The following ZNF407 variants were observed in gnomAD, a reference collection of about 807,000 sequenced individuals.
ZNF407 encodes the protein zinc finger protein 407.
A neutral mutation model predicts 131.2 loss-of-function variants in ZNF407; 17 were observed. That is an observed-to-expected ratio of 0.13 (90% confidence interval 0.09 to 0.19). ZNF407 has a LOEUF of 0.19. ZNF407 is among the 10% of genes least tolerant of loss of function. The pLI is 1.00. For missense variants in ZNF407, 2,681 were observed against 2,830.6 expected, an observed-to-expected ratio of 0.95 and a Z score of 1.20; for synonymous variants, 1,156 against 1,062.0, an observed-to-expected ratio of 1.09 and a Z score of -1.72.
intron 4 of ZNF407, chr18:74,803,898 G>A: frequency 6.6e-7 from 1 of 1,514,934 alleles, no homozygotes; most frequent in Middle Eastern, 1.7e-4. Flanking sequence ...ATGTTCACGA[G>A]AATGCTTTAC....
chr18:74,834,779 A>C (rs994031579), intron 4 of ZNF407, among the ~76,000 whole-genome samples: 3 of 152,186 alleles, frequency 2.0e-5, no homozygotes, highest in African/African-American at 7.2e-5. Flanking sequence ...CACGAGGAAT[A>C]GTGAAAGTGG....
intron 3 of ZNF407, among the ~76,000 whole-genome samples, chr18:74,701,439 A>T (rs1446727728): frequency 6.6e-6 from 1 of 152,144 alleles, no homozygotes; most frequent in Non-Finnish European, 1.5e-5. Context: ...ACTACCTATA[A>T]GTTTAGCTCT....
At chr18:74,726,555 C>T (rs1968163511) in intron 3 of ZNF407, among the ~76,000 whole-genome samples, 1 of 152,110 alleles carries the variant, frequency 6.6e-6, no homozygotes, top group Non-Finnish European at 1.5e-5. Flanking sequence ...TATGTATTAA[C>T]CTCAATTTAC....
At chr18:74,930,424 A>G (rs1271093874) in intron 8 of ZNF407, among the ~76,000 whole-genome samples, 1 of 152,124 alleles carries the variant, frequency 6.6e-6, no homozygotes, top group East Asian at 1.9e-4. Flanking sequence ...TCTTGGAGAG[A>G]GCCTTTCAGA....
intron 3 of ZNF407, among the ~76,000 whole-genome samples, chr18:74,715,887 T>C (rs1229052500): frequency 6.6e-6 from 1 of 152,212 alleles, no homozygotes; most frequent in Non-Finnish European, 1.5e-5. Context: ...CTTTACATTT[T>C]CGTAATCCTG....
intron 7 of ZNF407, among the ~76,000 whole-genome samples, chr18:74,907,039 C>A (rs1019057701): frequency 5.3e-5 from 8 of 151,960 alleles, no homozygotes. Flanking sequence ...ACACACATAC[C>A]GTATGTGTAT....
intron 8 of ZNF407, among the ~76,000 whole-genome samples, chr18:75,038,249 T>G (rs1973332247): frequency 6.6e-6 from 1 of 152,248 alleles, no homozygotes; most frequent in Non-Finnish European, 1.5e-5. Context: ...CCATGTTCAT[T>G]GGCCACATGT....
intron 8 of ZNF407, among the ~76,000 whole-genome samples, chr18:74,968,728 A>C (rs1417588296): frequency 6.6e-6 from 1 of 152,110 alleles, no homozygotes; most frequent in East Asian, 1.9e-4. Context: ...TTGTCTTTAA[A>C]TTTCAAAAGT....
intron 8 of ZNF407, among the ~76,000 whole-genome samples, chr18:75,049,896 G>A (rs79255806): frequency 3.9e-5 from 6 of 152,134 alleles, no homozygotes; most frequent in East Asian, 1.9e-4. Context: ...TATTATTACC[G>A]TTCTTTGCCT....
intron 3 of ZNF407, among the ~76,000 whole-genome samples, chr18:74,776,572 T>C (rs184372358): frequency 6.6e-6 from 1 of 152,284 alleles, no homozygotes; most frequent in East Asian, 1.9e-4. Flanking sequence ...TCCAAACTTA[T>C]TTGAAAATTC....
chr18:74,830,108 G>A (rs779418320), intron 4 of ZNF407, among the ~76,000 whole-genome samples: 1 of 152,154 alleles, frequency 6.6e-6, no homozygotes, highest in African/African-American at 2.4e-5. Flanking sequence ...CTCAACTGAA[G>A]AAGAGAGGCC....
chr18:74,956,008 C>T (rs902878249), intron 8 of ZNF407, among the ~76,000 whole-genome samples: 2 of 152,156 alleles, frequency 1.3e-5, no homozygotes, highest in African/African-American at 4.8e-5. Context: ...TTCCTTGTAA[C>T]TTGCCTTGTT....
In ZNF407 at chr18:74,792,725, T is replaced by G. The variant is rs551083828; in HGVS notation, c.4877+11223T>G. ...TCTTCTTCTTTATTTTCAAACTAAT[T>G]TCTTTATTGTTGGTTTTCTTAGCAT... On this transcript the variant is annotated intron_variant, in intron 4 of 8. Transcript: ENST00000299687. 6.8e-4 allele frequency among the ~76,000 whole-genome samples: 104 copies of G among 152,234 alleles called. 1 individual carries two copies. The highest frequency in any genetic ancestry group is 2.4e-3 in the African/African-American group (99 of 41,558).
rs762459477 is a variant in ZNF407 at position 74,795,952 on chromosome 18, G to A, written c.4877+14450G>A. Among the ~76,000 whole-genome samples the A allele has an allele frequency of 5.9e-5, 9 of 152,218 alleles. No individual in the cohort carries two copies. In the South Asian group the frequency reaches 1.7e-3, roughly 28 times the overall value. ...CATACCAGCCTCCCGCTGTGCACAC[G>A]CGCACACACGCACACGTGCCCTTGC... On this transcript the variant is annotated intron_variant, in intron 4 of 8. Transcript: ENST00000299687.
intron 3 of ZNF407, among the ~76,000 whole-genome samples, chr18:74,693,266 T>C (rs1967273537): frequency 6.6e-6 from 1 of 152,222 alleles, no homozygotes; most frequent in Non-Finnish European, 1.5e-5. Flanking sequence ...AAGTTAGACT[T>C]TTGCAGATTA....
At chr18:75,012,257 ATACACATAGTGTATG>A (rs1568300371) in intron 8 of ZNF407, among the ~76,000 whole-genome samples, 7 of 151,000 alleles carry the variant, frequency 4.6e-5, no homozygotes, top group African/African-American at 1.5e-4. Flanking sequence ...CCCACCTGCT[ATACACATAGTGTATG>A]TACACATAGT....
At chr18:74,665,457 T>C (rs544115052) in intron 3 of ZNF407, among the ~76,000 whole-genome samples, 10 of 152,290 alleles carry the variant, frequency 6.6e-5, no homozygotes, top group African/African-American at 2.2e-4. Context: ...AAAGAGCCCA[T>C]GTGAGAGTCC....
In ZNF407 at chr18:74,776,489, C is replaced by T. The variant is rs181483333; in HGVS notation, c.4803-4939C>T. ...TACTATGCAGATCTCCTATTTCTTT[C>T]CATTTCACCGTGCTAATCAGCACAC... On this transcript the variant is annotated intron_variant, in intron 3 of 8. Coordinates refer to ENST00000299687, the MANE Select transcript of ZNF407 (RefSeq NM_017757.3). 3.9e-4 allele frequency among the ~76,000 whole-genome samples: 59 copies of T among 152,260 alleles called. 1 individual carries two copies. In the East Asian group the frequency reaches 0.011, roughly 27 times the overall value.
intron 2 of ZNF407, among the ~76,000 whole-genome samples, chr18:74,640,151 TAAA>T (rs1242263319): frequency 1.3e-5 from 2 of 152,104 alleles, no homozygotes; most frequent in Non-Finnish European, 2.9e-5. Context: ...TTTTATGTCT[TAAA>T]AGAGCGTTAT....
Sources: gnomAD v4.1 joint callset for allele counts (sites outside exome capture counted in the v4.1 genomes callset) on GRCh38, gnomAD v4.1.1 for gene constraint, MANE v1.5 for transcripts, NCBI Gene and HGNC (gene_info 2026-07-23, HGNC 2026-07-21) for gene names.